Variants in MYOM1 observed in about 807,000 individuals in gnomAD.
The protein encoded by MYOM1 is myomesin-1.
MYOM1 carries 164 observed loss-of-function variants against 205.3 expected under a neutral mutation model. The observed-to-expected ratio is 0.80, with a 90% CI of 0.70 to 0.91. MYOM1 has a LOEUF of 0.91. MYOM1 is among the 40% of genes least tolerant of loss of function. The pLI is 0.00. For synonymous variants in MYOM1, 772 were observed against 789.4 expected, an observed-to-expected ratio of 0.98 and a Z score of 0.37; for missense variants, 2,011 against 2,127.3, an observed-to-expected ratio of 0.95 and a Z score of 1.08.
At chr18:3,120,376 A>G (rs1303569421) in intron 19 of MYOM1, among the ~76,000 whole-genome samples, 2 of 152,186 alleles carry the variant, frequency 1.3e-5, no homozygotes, top group African/African-American at 2.4e-5. Context: ...AAAGAAAAAC[A>G]TGGTGCCAAT....
intron 25 of MYOM1, among the ~76,000 whole-genome samples, chr18:3,096,797 T>G (rs1231381962): frequency 6.6e-6 from 1 of 152,036 alleles, no homozygotes; most frequent in East Asian, 1.9e-4. Context: ...AAGTGTACCC[T>G]CCACCCACCC....
At chr18:3,173,829 G>C in intron 8 of MYOM1, 109 bp downstream of exon 8, 2 of 992,872 alleles carry the variant, frequency 2.0e-6, no homozygotes, top group South Asian at 1.5e-5. Flanking sequence ...ATCCAACCTA[G>C]CATATACTAT....
At chr18:3,098,869 G>A (rs534769499) in intron 25 of MYOM1, among the ~76,000 whole-genome samples, 2 of 152,350 alleles carry the variant, frequency 1.3e-5, no homozygotes, top group East Asian at 3.9e-4. Context: ...GTGGCATAGA[G>A]GGTTCTTCCC....
At chr18:3,094,132 AATGAT>A in intron 26 of MYOM1, 33 bp downstream of exon 26, 1 of 1,607,226 alleles carries the variant, frequency 6.2e-7, no homozygotes, top group Non-Finnish European at 8.5e-7. Context: ...TGTATTCTAC[AATGAT>A]ACATTAAAAA....
intron 13 of MYOM1, among the ~76,000 whole-genome samples, chr18:3,147,308 G>C (rs569263682): frequency 1.3e-5 from 2 of 151,492 alleles, no homozygotes; most frequent in Non-Finnish European, 2.9e-5. Flanking sequence ...GAATGTATGA[G>C]ATTATATCTA....
chr18:3,237,273 G>A, the MYOM1 span, among the ~76,000 whole-genome samples: 4 of 152,282 alleles, frequency 2.6e-5, no homozygotes, highest in African/African-American at 9.6e-5. Context: ...AAAATGTGGT[G>A]TATACATATC....
intron 25 of MYOM1, among the ~76,000 whole-genome samples, chr18:3,094,909 T>C (rs1467464260): frequency 6.6e-6 from 1 of 152,134 alleles, no homozygotes; most frequent in African/African-American, 2.4e-5. Flanking sequence ...GTGATCCTCC[T>C]TGGCCTCCCA....
At chr18:3,164,484 A>G in intron 9 of MYOM1, 45 bp from the exon 10 acceptor site, 7 of 1,518,286 alleles carry the variant, frequency 4.6e-6, no homozygotes, top group Non-Finnish European at 6.2e-6. Flanking sequence ...TTTTTGTTTT[A>G]TAACTTCCTT....
intron 26 of MYOM1, among the ~76,000 whole-genome samples, chr18:3,091,058 G>A (rs1379873411): frequency 6.6e-6 from 1 of 152,098 alleles, no homozygotes; most frequent in Non-Finnish European, 1.5e-5. Flanking sequence ...GCTCACGCCT[G>A]TAATCCCAGC....
rs187861576 is a variant in MYOM1 at position 3,194,563 on chromosome 18, A to T, written c.291-605T>A. Among the ~76,000 whole-genome samples, 521 of 152,324 alleles carry T rather than the reference A, an allele frequency of 3.4e-3. 4 individuals carry two copies. Among genetic ancestry groups the T allele is most frequent in the African/African-American group, 0.012 (488 of 41,576 alleles). The stretch of plus-strand genomic sequence containing the variant: ...TTTGGTCAGTTCTGGCTTCCTGTGC[A>T]CACTGGTACAAATGTGCACTTGGAG... On this transcript the variant is annotated intron_variant, in intron 2 of 37. Coordinates refer to ENST00000356443, the MANE Select transcript of MYOM1 (RefSeq NM_003803.4).
At chr18:3,123,827 A>ATTTTTTTTTTT (rs5822739) in intron 19 of MYOM1, among the ~76,000 whole-genome samples, 1 of 147,384 alleles carries the variant, frequency 6.8e-6, no homozygotes, top group African/African-American at 2.6e-5. Flanking sequence ...ATTTTTATTT[A>ATTTTTTTTTTT]TTTATTTTTT....
At chr18:3,234,421 T>C in the MYOM1 span, among the ~76,000 whole-genome samples, 1 of 152,204 alleles carries the variant, frequency 6.6e-6, no homozygotes, top group South Asian at 2.1e-4. Flanking sequence ...GCTGGAAACG[T>C]TCATTGTCAA....
At position 3,071,857 on chromosome 18, in the gene MYOM1, C is replaced by T. The variant is rs369605033; in HGVS notation, c.4741G>A (p.Val1581Met). The part of the protein sequence containing the change: ...RARVLGGLPD[V>M]VTIQEGKALN... ...ACCTTCCCCTCCTGGATGGTGACCA[C>T]GTCTGGGAGACCTCCCAACACCCGG... Residue 1581 changes from valine (V) to methionine (M), a missense_variant, in exon 37 of 38, where the codon GTG becomes ATG. By Grantham distance (21) the Val-to-Met change is conservative. Transcript: ENST00000356443. 15 of 1,604,694 alleles carry T rather than the reference C, an allele frequency of 9.3e-6. No homozygotes were observed. Among genetic ancestry groups the T allele is most frequent in the East Asian group, 2.2e-5 (1 of 44,462 alleles).
rs2079392020 is a variant in MYOM1 at position 3,102,471 on chromosome 18, TAC to T, written c.3575+1_3575+2del. ...CCATGATTGTGATTGACATAGTCCT[TAC>T]TTGTTGCCCTTGCTTTCGACTTCCA... is the stretch of plus-strand genomic sequence containing the variant. On this transcript the variant is annotated splice_donor_variant, in intron 23 of 37. Transcript: ENST00000356443. LOFTEE classifies it high-confidence loss of function. 4 of 1,609,856 alleles carry T rather than the reference TAC, an allele frequency of 2.5e-6. No individual in the cohort carries two copies. Among genetic ancestry groups the T allele is most frequent in the Non-Finnish European group, 3.4e-6 (4 of 1,177,738 alleles).
chr18:3,067,319 C>T lies in MYOM1; in HGVS notation c.5001G>A (p.Glu1667=), dbSNP rs376007739. The change falls in exon 38 of 38, where the codon GAG becomes GAA. Residue 1667 remains glutamate (E), a synonymous_variant. Coordinates refer to ENST00000356443, the MANE Select transcript of MYOM1 (RefSeq NM_003803.4). ...SDFTVSVFIP[E]EEARMAALES... ...CCAAGGCGGCCATCCTCGCCTCCTC[C>T]TCTGGGATGAACACGCTGACGGTGA... The T allele has an allele frequency of 9.4e-4, 1,521 of 1,611,834 alleles. 1 individual carries two copies. The highest frequency in any genetic ancestry group is 1.2e-3 in the Non-Finnish European group (1,436 of 1,179,748).
At chr18:3,215,306 C>G in intron 1 of MYOM1, 55 bp from the exon 2 acceptor site, 2 of 1,322,244 alleles carry the variant, frequency 1.5e-6, no homozygotes, top group Non-Finnish European at 2.1e-6. Flanking sequence ...TTCCATAGAC[C>G]AAGTCATCTA....
At chr18:3,194,130 T>C (rs1479114132) in intron 2 of MYOM1, among the ~76,000 whole-genome samples, 172 bp from the exon 3 acceptor site, 1 of 152,232 alleles carries the variant, frequency 6.6e-6, no homozygotes, top group Non-Finnish European at 1.5e-5. Flanking sequence ...TTTCAAATAA[T>C]GGATTCTATA....
intron 13 of MYOM1, among the ~76,000 whole-genome samples, chr18:3,147,314 A>G (rs1211998733): frequency 2.6e-5 from 4 of 151,730 alleles, no homozygotes; most frequent in Non-Finnish European, 5.9e-5. Context: ...ATGAGATTAT[A>G]TCTATAAAAA....
intron 25 of MYOM1, among the ~76,000 whole-genome samples, chr18:3,097,992 C>A (rs555308716): frequency 3.3e-5 from 5 of 152,332 alleles, no homozygotes; most frequent in Admixed American, 6.5e-5. Flanking sequence ...TCATCTCCAA[C>A]CTTTAAGCTG....
Sources: allele counts gnomAD v4.1 joint callset (sites outside exome capture counted in the v4.1 genomes callset), GRCh38; gene constraint gnomAD v4.1.1; transcripts MANE v1.5; gene names NCBI Gene and HGNC (gene_info 2026-07-23, HGNC 2026-07-21).